The following PTPA variants were observed in gnomAD, a reference collection of about 807,000 sequenced individuals.
PTPA encodes the protein serine/threonine-protein phosphatase 2A activator.
Under a neutral mutation model 43.6 loss-of-function variants are expected in PTPA, and 13 were observed. That is an observed-to-expected ratio of 0.30 (90% CI 0.19 to 0.47). PTPA has a LOEUF of 0.47. PTPA is among the 20% of genes least tolerant of loss of function. The pLI, the probability that PTPA is intolerant of heterozygous loss-of-function variation, is 0.99. For synonymous variants in PTPA, 172 were observed against 158.2 expected, an observed-to-expected ratio of 1.09 and a Z score of -0.66; for missense variants, 329 against 411.9, an observed-to-expected ratio of 0.80 and a Z score of 1.74.
chr9:129,128,964 C>A, intron 3 of PTPA, 21 bp from the exon 4 acceptor site: 1 of 1,612,646 alleles, frequency 6.2e-7, no homozygotes, highest in Non-Finnish European at 8.5e-7. Flanking sequence ...TAGCTTGGAC[C>A]CCTCTATTTT....
intron 9 of PTPA, among the ~76,000 whole-genome samples, chr9:129,146,875 A>G (rs1588546352): frequency 6.6e-6 from 1 of 152,098 alleles, no homozygotes; most frequent in African/African-American, 2.4e-5. Flanking sequence ...GGAATTGCCC[A>G]GGGGTGGGGG....
chr9:129,138,921 C>G (rs763275431), intron 8 of PTPA, among the ~76,000 whole-genome samples: 7 of 152,166 alleles, frequency 4.6e-5, no homozygotes, highest in African/African-American at 1.7e-4. Flanking sequence ...GGCCCAAGGT[C>G]GGGAGGACTT....
chr9:129,126,983 C>T (rs371562835), intron 3 of PTPA, among the ~76,000 whole-genome samples: 34 of 152,202 alleles, frequency 2.2e-4, no homozygotes, highest in Middle Eastern at 3.4e-3. Context: ...CTTCCTGGGG[C>T]CAAGATGACT....
At chr9:129,141,076 C>T (rs954259286) in intron 8 of PTPA, among the ~76,000 whole-genome samples, 2 of 152,086 alleles carry the variant, frequency 1.3e-5, no homozygotes, top group Admixed American at 6.5e-5. Context: ...GTCCTTGCTC[C>T]TGAACATGGG....
intron 7 of PTPA, among the ~76,000 whole-genome samples, chr9:129,137,377 C>T (rs572864227): frequency 1.3e-5 from 2 of 152,362 alleles, no homozygotes; most frequent in South Asian, 4.1e-4. Context: ...GAAACTGAAC[C>T]TTGGCAGGCT....
chr9:129,111,862 G>C, intron 1 of PTPA: 1 of 1,131,700 alleles, frequency 8.8e-7, no homozygotes, highest in Non-Finnish European at 1.1e-6. Context: ...CGCAACTCTG[G>C]GTTTTGTGGG....
intron 3 of PTPA, among the ~76,000 whole-genome samples, chr9:129,128,233 T>C (rs917785881): frequency 1.3e-5 from 2 of 151,930 alleles, no homozygotes; most frequent in African/African-American, 4.8e-5. Flanking sequence ...CACAGAAGGG[T>C]ATGTTAAAAT....
intron 1 of PTPA, among the ~76,000 whole-genome samples, chr9:129,118,506 T>TG (rs1407519760): frequency 6.6e-6 from 1 of 152,164 alleles, no homozygotes; most frequent in Non-Finnish European, 1.5e-5. Context: ...CCCAAGTAGC[T>TG]GGGATTATAG....
chr9:129,146,107 G>C (rs534834286), intron 9 of PTPA, among the ~76,000 whole-genome samples: 8 of 151,358 alleles, frequency 5.3e-5, no homozygotes, highest in African/African-American at 1.9e-4. Flanking sequence ...GGGCCCTTGG[G>C]GGGTGGGGGG....
intron 9 of PTPA, among the ~76,000 whole-genome samples, chr9:129,145,511 C>T (rs1240783523): frequency 1.3e-5 from 2 of 152,196 alleles, no homozygotes; most frequent in Non-Finnish European, 2.9e-5. Context: ...GGAGGCCCTC[C>T]AAGGCCTGCC....
At chr9:129,135,813 A>G (rs1240268999) in intron 6 of PTPA, among the ~76,000 whole-genome samples, 1 of 152,256 alleles carries the variant, frequency 6.6e-6, no homozygotes, top group Non-Finnish European at 1.5e-5. Context: ...GGTTGGAACC[A>G]GAAGAACCTA....
chr9:129,111,011 CAT>C (rs1491545154), upstream of PTPA: 32 of 1,370,584 alleles, frequency 2.3e-5, no homozygotes, highest in Admixed American at 7.6e-5. Flanking sequence ...CCTGTCCCCA[CAT>C]GTCTTCTAAG....
At chr9:129,114,123 A>T (rs915697086) in intron 1 of PTPA, among the ~76,000 whole-genome samples, 1 of 151,852 alleles carries the variant, frequency 6.6e-6, no homozygotes, top group African/African-American at 2.4e-5. Context: ...CCGCCTCCTG[A>T]GTTCATGCGA....
chr9:129,133,280 A>G (rs1355542750), intron 5 of PTPA, among the ~76,000 whole-genome samples: 1 of 152,182 alleles, frequency 6.6e-6, no homozygotes, highest in Non-Finnish European at 1.5e-5. Context: ...GCCCTGGAGA[A>G]GGGCCCTCTT....
chr9:129,124,266 A>G lies in PTPA; in HGVS notation c.216+1128A>G, dbSNP rs146677927. On this transcript the variant is annotated intron_variant, in intron 3 of 9. Coordinates refer to ENST00000393370, the MANE Select transcript of PTPA (RefSeq NM_178000.3). ...ACTATGTTGCCCAGGTTGGTCTTGA[A>G]CTCCTGGGCTCAAGCAGTCCTCCTG... Among the ~76,000 whole-genome samples the G allele has an allele frequency of 5.1e-3, 772 of 150,894 alleles. 5 individuals are homozygous for G. Among genetic ancestry groups the G allele is most frequent in the African/African-American group, 0.017 (717 of 41,032 alleles).
chr9:129,113,577 A>G (rs890839989), intron 1 of PTPA, among the ~76,000 whole-genome samples: 1 of 151,748 alleles, frequency 6.6e-6, no homozygotes, highest in Non-Finnish European at 1.5e-5. Flanking sequence ...GAGACCAGCC[A>G]TGGCCAACAT....
At chr9:129,137,197 G>A (rs1358500837) in intron 7 of PTPA, among the ~76,000 whole-genome samples, 1 of 152,212 alleles carries the variant, frequency 6.6e-6, no homozygotes, top group Non-Finnish European at 1.5e-5. Flanking sequence ...GGCCTCGGGT[G>A]CATTGCCTCC....
intron 8 of PTPA, among the ~76,000 whole-genome samples, chr9:129,141,262 C>T (rs189584120): frequency 1.3e-5 from 2 of 152,216 alleles, no homozygotes; most frequent in Admixed American, 6.5e-5. Flanking sequence ...AGAGTGGGGG[C>T]TCCTGAGGGC....
chr9:129,143,653 C>T (rs989017111), intron 9 of PTPA: 27 of 525,326 alleles, frequency 5.1e-5, no homozygotes, highest in South Asian at 7.3e-5. Context: ...CACTCCCTTC[C>T]GCCCCCTCCC....
Sources: allele counts gnomAD v4.1 joint callset (sites outside exome capture counted in the v4.1 genomes callset), GRCh38; gene constraint gnomAD v4.1.1; transcripts MANE v1.5; gene names NCBI Gene and HGNC (gene_info 2026-07-23, HGNC 2026-07-21).